Variants in AGPAT4 observed in about 807,000 individuals in gnomAD.
AGPAT4 encodes the protein 1-acyl-sn-glycerol-3-phosphate acyltransferase delta.
Under a neutral mutation model 48.0 loss-of-function variants are expected in AGPAT4, and 15 were observed. The observed-to-expected ratio is 0.31, with a 90% CI of 0.21 to 0.48. AGPAT4 has a LOEUF of 0.48. Among genes scored for constraint, AGPAT4 ranks in the 20% least tolerant of loss-of-function variants. The pLI is 0.99. For synonymous variants in AGPAT4, 178 were observed against 198.7 expected (o/e 0.90, Z 0.88); for missense variants, 314 against 482.5 (o/e 0.65, Z 3.27).
chr6:161,241,370 A>G (rs1247142320), intron 1 of AGPAT4, among the ~76,000 whole-genome samples: 1 of 152,138 alleles, frequency 6.6e-6, no homozygotes, highest in East Asian at 1.9e-4. Flanking sequence ...TGTCCAGTAC[A>G]TGATGTCTGT....
Position 161,255,539 on chromosome 6 carries a change from C to G in AGPAT4, c.-90+18399G>C, listed in dbSNP as rs1385203966. Among the ~76,000 whole-genome samples the G allele has an allele frequency of 6.6e-6, 1 of 152,166 alleles. No homozygotes were observed. Among genetic ancestry groups the G allele is most frequent in the Admixed American group, 6.5e-5 (1 of 15,276 alleles). On this transcript the variant is annotated intron_variant, in intron 1 of 8. Transcript: ENST00000320285. The surrounding 1 kb of genome is among the most constrained non-coding windows in gnomAD (Gnocchi z 4.7). ...CATAAAATGGAATATTCTCCAGCCA[C>G]AAGAAAGAATAAATTAATTACTGAT... is the stretch of plus-strand genomic sequence containing the variant.
At chr6:161,157,481 T>C (rs200822858) in intron 3 of AGPAT4, among the ~76,000 whole-genome samples, 1 of 152,102 alleles carries the variant, frequency 6.6e-6, no homozygotes, top group East Asian at 1.9e-4. Flanking sequence ...CCTGGCTAAT[T>C]TTAGTATTTT....
At position 161,270,961 on chromosome 6, in the gene AGPAT4, C is replaced by T. The variant is rs1434336803; in HGVS notation, c.-90+2977G>A. 3.9e-5 allele frequency among the ~76,000 whole-genome samples: 6 copies of T among 152,292 alleles called. No homozygotes were observed. Among genetic ancestry groups the T allele is most frequent in the Non-Finnish European group, 7.4e-5 (5 of 68,020 alleles). On this transcript the variant is annotated intron_variant, in intron 1 of 8. Coordinates refer to ENST00000320285, the MANE Select transcript of AGPAT4 (RefSeq NM_020133.3). This position sits in a 1 kb window ranked among gnomAD's most constrained non-coding sequence, Gnocchi z 5.3. ...GACATTCCGGGTAAGTTCCTGGTTGCGTCTTCCCCAGTTTCATACCTGTTT... is the reference window on the plus strand; with the variant it reads ...GACATTCCGGGTAAGTTCCTGGTTGTGTCTTCCCCAGTTTCATACCTGTTT...
chr6:161,248,402 G>A (rs893965585), intron 1 of AGPAT4, among the ~76,000 whole-genome samples: 7 of 149,138 alleles, frequency 4.7e-5, no homozygotes, highest in African/African-American at 7.4e-5. Context: ...GTGAAACTCC[G>A]TCTCCACTAA....
chr6:161,157,053 C>T (rs1470379092), intron 3 of AGPAT4, among the ~76,000 whole-genome samples: 1 of 151,926 alleles, frequency 6.6e-6, no homozygotes, highest in Admixed American at 6.5e-5. Context: ...TGTGAGACCC[C>T]TGATTTCCCA....
rs1316015821 is a variant in AGPAT4 at position 161,139,130 on chromosome 6, C to T, written c.1042+292G>A. 6.6e-6 allele frequency among the ~76,000 whole-genome samples: 1 copy of T among 152,212 alleles called. No homozygotes were observed. The highest frequency in any genetic ancestry group is 1.5e-5 in the Non-Finnish European group (1 of 68,044). On this transcript the variant is annotated intron_variant, in intron 8 of 8. Transcript: ENST00000320285. This position sits in a 1 kb window ranked among gnomAD's most constrained non-coding sequence, Gnocchi z 9.1. ...GTCTGCGGAGGACAGGGAGGGAGCA[C>T]TCCCAGCTGTCGGGGAGTGAAGTGG...
chr6:161,179,283 C>T (rs781708306), intron 2 of AGPAT4, among the ~76,000 whole-genome samples: 96 of 152,288 alleles, frequency 6.3e-4, no homozygotes, highest in Non-Finnish European at 4.4e-4. Context: ...AATCCAGACA[C>T]AAGGGCCCAG....
chr6:161,219,872 TAGGC>T lies in AGPAT4; in HGVS notation c.178+12160_178+12163del, dbSNP rs554610151. Among the ~76,000 whole-genome samples the T allele has an allele frequency of 0.019, 2,255 of 120,364 alleles. 85 individuals are homozygous for T. The highest frequency in any genetic ancestry group is 0.025 in the Non-Finnish European group (1,340 of 53,296). 79.0% of individuals were successfully genotyped at this position (120,364 alleles called of 152,430 possible). ...ATAGATAGATAGATAGATAGATAGA[TAGGC>T]AGGCAGGCAGGCAGGCAGGCAGGCA... is the stretch of plus-strand genomic sequence containing the variant. On this transcript the variant is annotated intron_variant, in intron 2 of 8. Transcript: ENST00000320285. The surrounding 1 kb of genome is among the most constrained non-coding windows in gnomAD (Gnocchi z 4.9).
chr6:161,185,053 G>C (rs1332405867), intron 2 of AGPAT4, among the ~76,000 whole-genome samples: 1 of 150,048 alleles, frequency 6.7e-6, no homozygotes, highest in Non-Finnish European at 1.5e-5. Context: ...CGGGGGGTCT[G>C]TTCTAAATTA....
rs1011247840 is a variant in AGPAT4 at position 161,213,042 on chromosome 6, C to T, written c.178+18994G>A. 3.3e-5 allele frequency among the ~76,000 whole-genome samples: 5 copies of T among 152,202 alleles called. No homozygotes were observed. In the South Asian group the frequency reaches 1.0e-3, roughly 32 times the overall value. On this transcript the variant is annotated intron_variant, in intron 2 of 8. Transcript: ENST00000320285. Reference sequence around the variant, plus strand: ...GCCTCATACCTTTGTCTACACAGCCCCTGCACAGGGTTCCTGACCTGTGGT... The same window carrying T: ...GCCTCATACCTTTGTCTACACAGCCTCTGCACAGGGTTCCTGACCTGTGGT...
At chr6:161,152,400 G>T (rs1562314265) in intron 5 of AGPAT4, among the ~76,000 whole-genome samples, 1 of 152,184 alleles carries the variant, frequency 6.6e-6, no homozygotes, top group Non-Finnish European at 1.5e-5. Flanking sequence ...TAAACAGGCA[G>T]CAGAGGCCAG....
rs545746023 is a variant in AGPAT4 at position 161,225,251 on chromosome 6, C to T, written c.178+6785G>A. Among the ~76,000 whole-genome samples the T allele has an allele frequency of 6.6e-6, 1 of 152,172 alleles. No individual in the cohort carries two copies. Among genetic ancestry groups the T allele is most frequent in the South Asian group, 2.1e-4 (1 of 4,828 alleles). On this transcript the variant is annotated intron_variant, in intron 2 of 8. Transcript: ENST00000320285. This position sits in a 1 kb window ranked among gnomAD's most constrained non-coding sequence, Gnocchi z 5.0. ...ATTTTTCCCGCCAAACCACTCACCC[C>T]GTCACTCTCTTTAAATTAGCCAATC...
intron 1 of AGPAT4, among the ~76,000 whole-genome samples, chr6:161,256,984 C>A (rs1240609106): frequency 6.6e-6 from 1 of 152,218 alleles, no homozygotes; most frequent in Non-Finnish European, 1.5e-5. Context: ...TGCAGACCAG[C>A]CACCTTAGCC....
At position 161,146,424 on chromosome 6, in the gene AGPAT4, G is replaced by T. The variant is rs1318018708; in HGVS notation, c.843+100C>A. On this transcript the variant is annotated intron_variant, in intron 7 of 8. Transcript: ENST00000320285. The surrounding 1 kb of genome is among the most constrained non-coding windows in gnomAD (Gnocchi z 7.1). Reference sequence around the variant, plus strand: ...GACTCACTAATAACTGGCTCTGTGAGATCTCGCCCACCGGAGAAAGGCCTG... The same window carrying T: ...GACTCACTAATAACTGGCTCTGTGATATCTCGCCCACCGGAGAAAGGCCTG... The T allele has an allele frequency of 1.8e-6, 2 of 1,108,476 alleles. No individual in the cohort carries two copies. Among genetic ancestry groups the T allele is most frequent in the East Asian group, 4.8e-5 (2 of 41,420 alleles). The allele number at this position is 1,108,476 out of a possible 1,614,324, so 68.7% of individuals were successfully genotyped here.
At position 161,226,988 on chromosome 6, in the gene AGPAT4, T is replaced by C. The variant is rs1252194186; in HGVS notation, c.178+5048A>G. ...AGGAAAGATTGTTTTGTTTTACAGT[T>C]TGAAAATACAATGTGCAAAAAGTAC... On this transcript the variant is annotated intron_variant, in intron 2 of 8. Coordinates refer to ENST00000320285, the MANE Select transcript of AGPAT4 (RefSeq NM_020133.3). The surrounding 1 kb of genome is among the most constrained non-coding windows in gnomAD (Gnocchi z 6.3). Among the ~76,000 whole-genome samples the C allele has an allele frequency of 1.3e-5, 2 of 152,178 alleles. No homozygotes were observed. The highest frequency in any genetic ancestry group is 2.9e-5 in the Non-Finnish European group (2 of 68,038).
At position 161,204,559 on chromosome 6, in the gene AGPAT4, G is replaced by A. The variant is rs1036238706; in HGVS notation, c.178+27477C>T. ...AAGACAATTATCTAGAAACAGCACT[G>A]GATTCTTATTATCTCATGATGAAGT... On this transcript the variant is annotated intron_variant, in intron 2 of 8. Coordinates refer to ENST00000320285, the MANE Select transcript of AGPAT4 (RefSeq NM_020133.3). This position sits in a 1 kb window ranked among gnomAD's most constrained non-coding sequence, Gnocchi z 4.4. 2.0e-4 allele frequency among the ~76,000 whole-genome samples: 31 copies of A among 151,970 alleles called. No individual in the cohort carries two copies. Among genetic ancestry groups the A allele is most frequent in the Admixed American group, 2.0e-3 (31 of 15,258 alleles).
rs1410152305 is a variant in AGPAT4 at position 161,243,178 on chromosome 6, G to C, written c.-89-10876C>G. Among the ~76,000 whole-genome samples the C allele has an allele frequency of 6.6e-6, 1 of 152,148 alleles. No individual in the cohort carries two copies. The highest frequency in any genetic ancestry group is 1.5e-5 in the Non-Finnish European group (1 of 68,018). On this transcript the variant is annotated intron_variant, in intron 1 of 8. Transcript: ENST00000320285. This position sits in a 1 kb window ranked among gnomAD's most constrained non-coding sequence, Gnocchi z 4.8. ...TCGTCATTGCTGCTACGTGGCTGTG[G>C]CTGTCAGCTCAATACTAAGCCTGTG...
At position 161,148,574 on chromosome 6, in the gene AGPAT4, A is replaced by G. The variant is rs1239898415; in HGVS notation, c.767+613T>C. ...AGATGATCCACAGCACAACAAACCA[A>G]TACGGTCCCTGACCCGTCACACTGG... On this transcript the variant is annotated intron_variant, in intron 6 of 8. Transcript: ENST00000320285. The surrounding 1 kb of genome is among the most constrained non-coding windows in gnomAD (Gnocchi z 5.5). 1.3e-5 allele frequency among the ~76,000 whole-genome samples: 2 copies of G among 152,178 alleles called. No individual in the cohort carries two copies. The highest frequency in any genetic ancestry group is 2.9e-5 in the Non-Finnish European group (2 of 68,032).
chr6:161,143,023 A>G lies in AGPAT4; in HGVS notation c.844-3403T>C, dbSNP rs931331521. Among the ~76,000 whole-genome samples, 2 of 152,064 alleles carry G rather than the reference A, an allele frequency of 1.3e-5. No homozygotes were observed. Among genetic ancestry groups the G allele is most frequent in the Non-Finnish European group, 2.9e-5 (2 of 68,020 alleles). ...ACCCTGAACTCTGCACCCCACCCAG[A>G]GCTGCTCCCGACCTTGGCCTCCACA... On this transcript the variant is annotated intron_variant, in intron 7 of 8. Coordinates refer to ENST00000320285, the MANE Select transcript of AGPAT4 (RefSeq NM_020133.3). The surrounding 1 kb of genome is among the most constrained non-coding windows in gnomAD (Gnocchi z 4.7).
Sources: gnomAD v4.1 joint callset for allele counts (sites outside exome capture counted in the v4.1 genomes callset) on GRCh38, gnomAD v4.1.1 for gene constraint, Gnocchi (gnomAD v3.1) non-coding constraint, MANE v1.5 for transcripts, NCBI Gene and HGNC (gene_info 2026-07-23, HGNC 2026-07-21) for gene names.